Variants in DIXDC1 observed in about 807,000 individuals in gnomAD.
DIXDC1 encodes the protein DIX domain containing 1, also known as dixin.
In DIXDC1, 64 loss-of-function variants were observed where a neutral mutation model predicts 103.1. The observed-to-expected ratio is 0.62, with a 90% CI of 0.51 to 0.76. The LOEUF (loss-of-function observed/expected upper bound fraction) is 0.76. DIXDC1 is among the 30% of genes least tolerant of loss of function. The probability of loss-of-function intolerance (pLI) is 0.00; values close to 1 mark genes in which losing one functional copy is unlikely to be tolerated. For synonymous variants in DIXDC1, 266 were observed against 298.5 expected (o/e 0.89, Z 1.12); for missense variants, 759 against 834.2 (o/e 0.91, Z 1.11).
At chr11:111,985,155 T>G in intron 7 of DIXDC1, 77 bp from the exon 8 acceptor site, 44 of 1,165,550 alleles carry the variant, frequency 3.8e-5, no homozygotes, top group Non-Finnish European at 5.1e-5. Flanking sequence ...TAACTTGGGG[T>G]GAGCTTACCA....
chr11:111,953,955 C>CTT (rs371524141), intron 1 of DIXDC1, among the ~76,000 whole-genome samples: 1 of 146,446 alleles, frequency 6.8e-6, no homozygotes, highest in African/African-American at 2.5e-5. Context: ...TAGCTACAGA[C>CTT]TTTTTTTTTT....
intron 11 of DIXDC1, 62 bp downstream of exon 11, chr11:111,992,581 G>A (rs1276185713): frequency 1.3e-5 from 18 of 1,401,488 alleles, no homozygotes; most frequent in African/African-American, 1.4e-5. Flanking sequence ...GCTACTGCAC[G>A]AAGAACTATT....
rs115779323 is a variant in DIXDC1, at chr11:112,012,125, A to G, written c.1757-4566A>G. On this transcript the variant is annotated intron_variant, in intron 17 of 19. Coordinates refer to ENST00000440460, the MANE Select transcript of DIXDC1 (RefSeq NM_001037954.4). ...GTACTCAACATTGTTAAGATGGCCT[A>G]TTCTTCCACAAATGATCTATAGCTT... 4.3e-3 allele frequency among the ~76,000 whole-genome samples: 662 copies of G among 152,356 alleles called. 5 individuals carry two copies. The highest frequency in any genetic ancestry group is 0.015 in the African/African-American group (624 of 41,590).
intron 2 of DIXDC1, among the ~76,000 whole-genome samples, chr11:111,931,415 T>C (rs1414802960): frequency 6.6e-6 from 1 of 152,054 alleles, no homozygotes; most frequent in Non-Finnish European, 1.5e-5. Context: ...TTTGGGAGGC[T>C]GAGGGGGGTG....
intron 1 of DIXDC1, among the ~76,000 whole-genome samples, chr11:111,959,790 A>G (rs938242389): frequency 1.3e-5 from 2 of 152,244 alleles, no homozygotes; most frequent in South Asian, 4.1e-4. Context: ...TGCTAAGTCT[A>G]AGATTGTTTC....
intron 14 of DIXDC1, among the ~76,000 whole-genome samples, chr11:111,994,528 T>C (rs1592608857): frequency 6.6e-6 from 1 of 151,300 alleles, no homozygotes; most frequent in East Asian, 1.9e-4. Context: ...CATATATATG[T>C]ATATGTGTGT....
At chr11:111,982,190 A>G (rs782602638) in intron 6 of DIXDC1, 149 bp from the exon 7 acceptor site, 38 of 793,450 alleles carry the variant, frequency 4.8e-5, no homozygotes, top group Middle Eastern at 2.8e-4. Context: ...TAGGCCTCAC[A>G]ACCCCACCTG....
Position 111,986,932 on chromosome 11 carries a change from A to G in DIXDC1, c.1062+8A>G. On this transcript the variant is annotated splice_region_variant and intron_variant, in intron 9 of 19. Coordinates refer to ENST00000440460, the MANE Select transcript of DIXDC1 (RefSeq NM_001037954.4). ...GAGAATCAGGACTTAAAGGTATGTCAAGACATGTACATTTTACCCCTTAAA... is the reference window on the plus strand; with the variant it reads ...GAGAATCAGGACTTAAAGGTATGTCGAGACATGTACATTTTACCCCTTAAA... The G allele has an allele frequency of 6.4e-7, 1 of 1,570,772 alleles. No homozygotes were observed. Among genetic ancestry groups the G allele is most frequent in the South Asian group, 1.2e-5 (1 of 85,576 alleles).
chr11:111,975,050 C>A, intron 5 of DIXDC1, 67 bp downstream of exon 5: 1 of 1,554,744 alleles, frequency 6.4e-7, no homozygotes, highest in Non-Finnish European at 8.7e-7. Context: ...AGTAACAATA[C>A]AACAAGCAAA....
At chr11:111,994,594 GTATATGTA>G (rs1555175076) in intron 14 of DIXDC1, among the ~76,000 whole-genome samples, 1 of 149,602 alleles carries the variant, frequency 6.7e-6, no homozygotes, top group Non-Finnish European at 1.5e-5. Context: ...TATTATGTAT[GTATATGTA>G]TGTATGTATA....
intron 3 of DIXDC1, among the ~76,000 whole-genome samples, chr11:111,969,117 T>C: frequency 6.6e-6 from 1 of 151,586 alleles, no homozygotes; most frequent in Admixed American, 6.6e-5. Context: ...TGAGTGTATG[T>C]AGGAAAATTA....
chr11:111,976,687 G>A lies in DIXDC1; in HGVS notation c.656+1704G>A, dbSNP rs1301756560. Among the ~76,000 whole-genome samples, 1 of 152,098 alleles carries A rather than the reference G, an allele frequency of 6.6e-6. No homozygotes were observed. Among genetic ancestry groups the A allele is most frequent in the African/African-American group, 2.4e-5 (1 of 41,404 alleles). On this transcript the variant is annotated intron_variant, in intron 5 of 19. Coordinates refer to ENST00000440460, the MANE Select transcript of DIXDC1 (RefSeq NM_001037954.4). The surrounding 1 kb of genome is among the most constrained non-coding windows in gnomAD (Gnocchi z 4.3). ...CCCCAGATGTGGCTTGCTCAGGACGGGAGTGGCTCAGAAGGAAGGATAGCC... is the reference window on the plus strand; with the variant it reads ...CCCCAGATGTGGCTTGCTCAGGACGAGAGTGGCTCAGAAGGAAGGATAGCC...
At chr11:111,944,129 C>CT (rs2137452180) in intron 1 of DIXDC1, among the ~76,000 whole-genome samples, 1 of 152,316 alleles carries the variant, frequency 6.6e-6, no homozygotes, top group African/African-American at 2.4e-5. Context: ...TTCTCAGCAA[C>CT]TTCCCCACCC....
intron 1 of DIXDC1, among the ~76,000 whole-genome samples, chr11:111,961,302 T>C (rs1859569473): frequency 6.6e-6 from 1 of 152,226 alleles, no homozygotes; most frequent in Non-Finnish European, 1.5e-5. Context: ...GCCTCAGCAG[T>C]GCATTTATTT....
upstream of DIXDC1, among the ~76,000 whole-genome samples, chr11:111,933,691 CA>C (rs34415537): frequency 7.3e-4 from 82 of 111,774 alleles, no homozygotes; most frequent in African/African-American, 2.6e-3. Flanking sequence ...CTCTCTCTCT[CA>C]AAAAAAAAAA....
chr11:111,993,827 A>G (rs1830807413), intron 14 of DIXDC1, 87 bp downstream of exon 14: 5 of 1,477,868 alleles, frequency 3.4e-6, no homozygotes, highest in Non-Finnish European at 4.6e-6. Context: ...CCAAGGCCAC[A>G]GGCTTGTTTG....
chr11:112,010,229 A>G (rs1198333718), intron 17 of DIXDC1, among the ~76,000 whole-genome samples: 2 of 152,208 alleles, frequency 1.3e-5, no homozygotes, highest in Non-Finnish European at 2.9e-5. Context: ...TAAAATACCT[A>G]GGAATCCAAC....
intron 10 of DIXDC1, among the ~76,000 whole-genome samples, chr11:111,989,303 T>G (rs587638356): frequency 6.6e-6 from 1 of 152,264 alleles, no homozygotes; most frequent in East Asian, 1.9e-4. Flanking sequence ...TGTCTCTATA[T>G]GTAAAAGAAT....
chr11:111,995,582 G>GT lies in DIXDC1; in HGVS notation c.1689+19dup. 6.2e-7 allele frequency: 1 copy of GT among 1,613,262 alleles called. No homozygotes were observed. The highest frequency in any genetic ancestry group is 8.5e-7 in the Non-Finnish European group (1 of 1,179,782). On this transcript the variant is annotated intron_variant, in intron 16 of 19. Transcript: ENST00000440460. ...AAAGAAAGGTAACCCTCTTGCTGTG[G>GT]TATCTCTCTTAGGCAAGCTCCTGAG...
Sources: allele counts gnomAD v4.1 joint callset (sites outside exome capture counted in the v4.1 genomes callset), GRCh38; gene constraint gnomAD v4.1.1; non-coding constraint Gnocchi (gnomAD v3.1); transcripts MANE v1.5; gene names NCBI Gene and HGNC (gene_info 2026-07-23, HGNC 2026-07-21).